PSD3: variants seen among roughly 807,000 people sequenced by gnomAD.
The protein encoded by PSD3 is pleckstrin and Sec7 domain containing 3, also known as PH and SEC7 domain-containing protein 3.
PSD3 carries 49 observed loss-of-function variants against 105.5 expected under a neutral mutation model. That is an observed-to-expected ratio of 0.46 (90% CI 0.37 to 0.59). PSD3 has a LOEUF of 0.59. Ranked by LOEUF, PSD3 falls within the 20% of genes least tolerant of loss-of-function variation. PSD3 has a pLI of 0.00. For missense variants in PSD3, 1,561 were observed against 1,263.8 expected (o/e 1.24, Z -3.57); for synonymous variants, 557 against 457.8 (o/e 1.22, Z -2.77).
chr8:19,053,618 C>A (rs535784621), intron 1 of PSD3, among the ~76,000 whole-genome samples: 1 of 152,010 alleles, frequency 6.6e-6, no homozygotes, highest in African/African-American at 2.4e-5. Flanking sequence ...GAGGAAACCC[C>A]GTCTCTACTA....
chr8:19,005,898 C>T (rs1586616607), intron 1 of PSD3, among the ~76,000 whole-genome samples: 1 of 151,744 alleles, frequency 6.6e-6, no homozygotes, highest in Non-Finnish European at 1.5e-5. Flanking sequence ...ATGGGTGAAT[C>T]GTATAGTATG....
At chr8:18,702,567 G>A (rs1231318274) in intron 9 of PSD3, among the ~76,000 whole-genome samples, 1 of 152,034 alleles carries the variant, frequency 6.6e-6, no homozygotes, top group Non-Finnish European at 1.5e-5. Flanking sequence ...TTGGTTTGTG[G>A]TGGGAGCATT....
chr8:18,791,461 A>C (rs1809710982), intron 8 of PSD3, among the ~76,000 whole-genome samples: 1 of 152,224 alleles, frequency 6.6e-6, no homozygotes. Flanking sequence ...CAAACCTGAC[A>C]AAAACAAGCA....
At chr8:18,636,403 A>G (rs1273133628) in intron 10 of PSD3, among the ~76,000 whole-genome samples, 2 of 152,232 alleles carry the variant, frequency 1.3e-5, no homozygotes, top group African/African-American at 4.8e-5. Flanking sequence ...CAAAAAGTTA[A>G]AAAGCTAAAA....
rs542450194 is a variant in PSD3 at position 18,879,953 on chromosome 8, A to G, written c.131-7220T>C. Among the ~76,000 whole-genome samples the G allele has an allele frequency of 5.3e-5, 8 of 152,304 alleles. No homozygotes were observed. The East Asian group carries it at 1.4e-3, about 26-fold the overall frequency. On this transcript the variant is annotated intron_variant, in intron 2 of 15. Coordinates refer to ENST00000327040, the MANE Select transcript of PSD3 (RefSeq NM_015310.4). ...AACAAATATAATGAAGAATAAAACCAGAAGTGTTCTAGTTGTAGCTTCTGG... is the reference window on the plus strand; with the variant it reads ...AACAAATATAATGAAGAATAAAACCGGAAGTGTTCTAGTTGTAGCTTCTGG...
intron 1 of PSD3, among the ~76,000 whole-genome samples, chr8:19,009,276 G>A (rs2129475193): frequency 6.6e-6 from 1 of 152,212 alleles, no homozygotes; most frequent in South Asian, 2.1e-4. Flanking sequence ...TCCAAGACTC[G>A]AATAATCTAA....
intron 1 of PSD3, among the ~76,000 whole-genome samples, chr8:19,044,451 G>C (rs1328412464): frequency 1.3e-5 from 2 of 152,170 alleles, no homozygotes; most frequent in African/African-American, 4.8e-5. Flanking sequence ...CTATCTTTAA[G>C]CCCATTGACT....
At chr8:18,742,648 G>A (rs557376097) in intron 9 of PSD3, among the ~76,000 whole-genome samples, 16 of 152,220 alleles carry the variant, frequency 1.1e-4, no homozygotes, top group African/African-American at 3.9e-4. Flanking sequence ...AAAAGCAATT[G>A]ATATCTATCC....
chr8:18,920,847 A>C (rs955961228), intron 2 of PSD3, among the ~76,000 whole-genome samples: 7 of 152,132 alleles, frequency 4.6e-5, no homozygotes, highest in Non-Finnish European at 8.8e-5. Flanking sequence ...CTAAAAATAT[A>C]CCCAACCATT....
chr8:18,764,730 T>C (rs922368677), intron 9 of PSD3, among the ~76,000 whole-genome samples: 3 of 152,180 alleles, frequency 2.0e-5, no homozygotes, highest in Admixed American at 6.5e-5. Context: ...AAGAAACCTA[T>C]ACGTGTACTG....
At chr8:18,918,045 T>C (rs139916874) in intron 2 of PSD3, among the ~76,000 whole-genome samples, 4 of 152,310 alleles carry the variant, frequency 2.6e-5, no homozygotes, top group African/African-American at 9.6e-5. Flanking sequence ...ACTGATTTCC[T>C]AAACCCTAAA....
intron 9 of PSD3, among the ~76,000 whole-genome samples, chr8:18,686,807 T>C (rs1563171185): frequency 6.6e-6 from 1 of 152,186 alleles, no homozygotes; most frequent in African/African-American, 2.4e-5. Context: ...TCTGAAGCTT[T>C]CCCGAATGAC....
chr8:18,764,612 A>G (rs1005740786), intron 9 of PSD3, among the ~76,000 whole-genome samples: 3 of 152,196 alleles, frequency 2.0e-5, no homozygotes, highest in African/African-American at 7.2e-5. Context: ...ATAAAACACA[A>G]CAAAGGACTT....
rs146613838 is a variant in PSD3, at chr8:18,774,379, A to G, written c.2083-8841T>C. Among the ~76,000 whole-genome samples the G allele has an allele frequency of 9.9e-3, 1,510 of 152,324 alleles. 26 individuals are homozygous for G. Among genetic ancestry groups the G allele is most frequent in the African/African-American group, 0.031 (1,288 of 41,572 alleles). On this transcript the variant is annotated intron_variant, in intron 8 of 15. Coordinates refer to ENST00000327040, the MANE Select transcript of PSD3 (RefSeq NM_015310.4). The stretch of plus-strand genomic sequence containing the variant: ...TTCACCCCTTCTTTGTGTTGGGAAC[A>G]TTTCAATTGCTCTCCACCAGTTATT...
At chr8:18,807,195 C>T (rs1354723940) in intron 4 of PSD3, among the ~76,000 whole-genome samples, 1 of 152,186 alleles carries the variant, frequency 6.6e-6, no homozygotes, top group Non-Finnish European at 1.5e-5. Flanking sequence ...TACAAGTTCC[C>T]TTTTCCCACT....
At chr8:18,552,570 A>T (rs1016434934) in intron 15 of PSD3, among the ~76,000 whole-genome samples, 3 of 152,232 alleles carry the variant, frequency 2.0e-5, no homozygotes, top group African/African-American at 7.2e-5. Context: ...GACACAAAAC[A>T]TCGATCTGCC....
In PSD3 at chr8:18,872,576, A is replaced by C. The variant is rs757376603; in HGVS notation, c.288T>G (p.Pro96=). 2.5e-6 allele frequency: 4 copies of C among 1,613,952 alleles called. No individual in the cohort carries two copies. In the African/African-American group the frequency reaches 5.3e-5, roughly 22 times the overall value. The change falls in exon 3 of 16, where the codon CCT becomes CCG. Residue 96 remains proline (P), a synonymous_variant. Coordinates refer to ENST00000327040, the MANE Select transcript of PSD3 (RefSeq NM_015310.4). The part of the protein sequence containing the change: ...CHPQEQQGVQ[P]LTGCHSGLDS... ...CGAGCCCAGAGTGGCAGCCAGTAAGAGGCTGGACACCCTGCTGCTCTTGTG... is the reference window on the plus strand; with the variant it reads ...CGAGCCCAGAGTGGCAGCCAGTAAGCGGCTGGACACCCTGCTGCTCTTGTG...
chr8:19,058,176 G>A (rs1446195923), intron 1 of PSD3, among the ~76,000 whole-genome samples: 1 of 152,194 alleles, frequency 6.6e-6, no homozygotes, highest in Non-Finnish European at 1.5e-5. Context: ...CTGAGTGAAA[G>A]AAACAAGTCT....
At chr8:19,050,299 T>C (rs907009854) in intron 1 of PSD3, among the ~76,000 whole-genome samples, 2 of 122,308 alleles carry the variant, frequency 1.6e-5, no homozygotes, top group African/African-American at 5.0e-5. Flanking sequence ...TCTACGCCCA[T>C]GCCCATATCC....
Sources: gnomAD v4.1 joint callset for allele counts (sites outside exome capture counted in the v4.1 genomes callset) on GRCh38, gnomAD v4.1.1 for gene constraint, MANE v1.5 for transcripts, NCBI Gene and HGNC (gene_info 2026-07-23, HGNC 2026-07-21) for gene names.